FUT8: variants seen among roughly 807,000 people sequenced by gnomAD.
FUT8 encodes the protein alpha-(1,6)-fucosyltransferase.
FUT8 carries 29 observed loss-of-function variants against 71.3 expected under a neutral mutation model. That is an observed-to-expected ratio of 0.41 (90% CI 0.30 to 0.55). FUT8 has a LOEUF of 0.55. Ranked by LOEUF, FUT8 falls within the 20% of genes least tolerant of loss-of-function variation. The pLI, the probability that FUT8 is intolerant of heterozygous loss-of-function variation, is 0.34. For synonymous variants in FUT8, 254 were observed against 239.3 expected (o/e 1.06, Z -0.57); for missense variants, 544 against 702.1 (o/e 0.77, Z 2.55).
intron 2 of FUT8, among the ~76,000 whole-genome samples, chr14:65,486,919 G>C (rs936059939): frequency 4.6e-5 from 7 of 152,152 alleles, no homozygotes; most frequent in African/African-American, 1.7e-4. Flanking sequence ...TATTTCCCTA[G>C]TGATTATATG....
intron 1 of FUT8, among the ~76,000 whole-genome samples, chr14:65,439,044 GTT>G (rs777178010): frequency 2.0e-5 from 3 of 152,146 alleles, no homozygotes; most frequent in Non-Finnish European, 4.4e-5. Context: ...ATACAGATTG[GTT>G]TGGCTAATTG....
chr14:65,492,666 G>A (rs1361965770), intron 2 of FUT8, among the ~76,000 whole-genome samples: 2 of 152,054 alleles, frequency 1.3e-5, no homozygotes, highest in African/African-American at 4.8e-5. Context: ...CTTTTATCAA[G>A]TACCTAATAT....
At chr14:65,446,797 T>C (rs1329377358) in intron 1 of FUT8, among the ~76,000 whole-genome samples, 3 of 149,012 alleles carry the variant, frequency 2.0e-5, no homozygotes, top group Non-Finnish European at 1.5e-5. Context: ...CTCTCTCTCT[T>C]TTTTTTTTTG....
chr14:65,556,412 A>G (rs1040821030), intron 2 of FUT8, among the ~76,000 whole-genome samples: 5 of 152,094 alleles, frequency 3.3e-5, no homozygotes, highest in Non-Finnish European at 2.9e-5. Context: ...TGAGCACTTT[A>G]AATCTTCGTT....
intron 3 of FUT8, among the ~76,000 whole-genome samples, chr14:65,606,073 GTTTTT>G (rs34986420): frequency 1.7e-5 from 2 of 118,174 alleles, no homozygotes; most frequent in African/African-American, 3.2e-5. Context: ...AAAATTGTTA[GTTTTT>G]TTTTTTTTTT....
chr14:65,621,948 C>A (rs1363112721), intron 5 of FUT8, among the ~76,000 whole-genome samples: 1 of 151,746 alleles, frequency 6.6e-6, no homozygotes, highest in African/African-American at 2.4e-5. Context: ...CCCCAGCCTC[C>A]GGGTAGCTGG....
chr14:65,717,566 G>A (rs1318965821), intron 7 of FUT8, among the ~76,000 whole-genome samples: 9 of 122,968 alleles, frequency 7.3e-5, no homozygotes, highest in African/African-American at 9.4e-5. Context: ...GACGATGGGC[G>A]GCCGGGCAGA....
intron 6 of FUT8, among the ~76,000 whole-genome samples, chr14:65,636,204 A>G (rs1308163437): frequency 6.6e-6 from 1 of 151,814 alleles, no homozygotes; most frequent in Admixed American, 6.6e-5. Flanking sequence ...TTTGTTTCTT[A>G]TTGAGGTTAT....
At chr14:65,700,590 G>A (rs912118539) in intron 7 of FUT8, among the ~76,000 whole-genome samples, 2 of 151,498 alleles carry the variant, frequency 1.3e-5, no homozygotes, top group South Asian at 2.1e-4. Context: ...TAGTAGAGAC[G>A]GGGTTTCACC....
At chr14:65,740,630 C>T (rs929803681) in intron 10 of FUT8, among the ~76,000 whole-genome samples, 4 of 151,870 alleles carry the variant, frequency 2.6e-5, no homozygotes, top group African/African-American at 7.3e-5. Flanking sequence ...AGAAGGCAAA[C>T]GGGGAGCCAG....
At chr14:65,387,457 G>T in the FUT8 span, among the ~76,000 whole-genome samples, 20,446 of 152,106 alleles carry the variant, frequency 0.13, 2,046 homozygotes, top group East Asian at 0.54. Flanking sequence ...TGACAGATAC[G>T]CAGCTGAAGA....
chr14:65,488,274 C>T (rs979141120), intron 2 of FUT8: 1 of 152,312 alleles, frequency 6.6e-6, no homozygotes, highest in Admixed American at 6.5e-5. Context: ...ACATCTTCAA[C>T]TTAAATTGCA....
the FUT8 span, among the ~76,000 whole-genome samples, chr14:65,404,085 C>T: frequency 3.4e-3 from 510 of 151,914 alleles, 17 homozygotes; most frequent in East Asian, 0.062. Flanking sequence ...AGGCTGGTCT[C>T]GAACTCCTGA....
chr14:65,450,068 G>A (rs960272246), intron 1 of FUT8, among the ~76,000 whole-genome samples: 1 of 152,072 alleles, frequency 6.6e-6, no homozygotes, highest in East Asian at 1.9e-4. Flanking sequence ...ATGTGATTTT[G>A]TGTGCATATG....
chr14:65,430,568 A>G (rs1220775566), intron 1 of FUT8, among the ~76,000 whole-genome samples: 1 of 152,158 alleles, frequency 6.6e-6, no homozygotes, highest in Non-Finnish European at 1.5e-5. Flanking sequence ...AGATATAGCC[A>G]TTTCTAGGTT....
Position 65,604,315 on chromosome 14 carries a change from G to A in FUT8, c.204-11663G>A, listed in dbSNP as rs187894223. Reference sequence around the variant, plus strand: ...CAGAGTATACATTCTATTCATCAGCGCATGGAACTTTCTCCAAGGTAGACC... The same window carrying A: ...CAGAGTATACATTCTATTCATCAGCACATGGAACTTTCTCCAAGGTAGACC... On this transcript the variant is annotated intron_variant, in intron 3 of 10. Transcript: ENST00000673929. Among the ~76,000 whole-genome samples, 5 of 151,816 alleles carry A rather than the reference G, an allele frequency of 3.3e-5. No individual in the cohort carries two copies. The East Asian group carries it at 7.7e-4, about 23-fold the overall frequency.
At chr14:65,482,925 T>C (rs898966503) in intron 2 of FUT8, among the ~76,000 whole-genome samples, 1 of 152,148 alleles carries the variant, frequency 6.6e-6, no homozygotes, top group African/African-American at 2.4e-5. Flanking sequence ...TCAACCCACA[T>C]TGGCTTTCCC....
At position 65,524,580 on chromosome 14, in the gene FUT8, G is replaced by A. The variant is rs371576806; in HGVS notation, c.-227-36757G>A. On this transcript the variant is annotated intron_variant, in intron 2 of 10. Coordinates refer to ENST00000673929, the MANE Select transcript of FUT8 (RefSeq NM_001371533.1). ...TGCCCTTTATTTCTTTCACCTGCCC[G>A]ATTGCCCTGGCCAGAACTTCCAACA... 4.6e-5 allele frequency among the ~76,000 whole-genome samples: 7 copies of A among 152,056 alleles called. No individual in the cohort carries two copies. The East Asian group carries it at 9.6e-4, about 21-fold the overall frequency.
At chr14:65,604,707 C>G (rs751437733) in intron 3 of FUT8, among the ~76,000 whole-genome samples, 3 of 151,806 alleles carry the variant, frequency 2.0e-5, no homozygotes, top group Non-Finnish European at 2.9e-5. Flanking sequence ...GAAACAAGAA[C>G]AAGAACAAAC....
Sources: gnomAD v4.1 joint callset for allele counts (sites outside exome capture counted in the v4.1 genomes callset) on GRCh38, gnomAD v4.1.1 for gene constraint, MANE v1.5 for transcripts, NCBI Gene and HGNC (gene_info 2026-07-23, HGNC 2026-07-21) for gene names.